NXPE4: variants seen among roughly 807,000 people sequenced by gnomAD.
NXPE4 encodes NXPE family member 4.
In NXPE4, 42 loss-of-function variants were observed where a neutral mutation model predicts 33.3. The observed-to-expected ratio is 1.26, with a 90% confidence interval of 0.98 to 1.63. The LOEUF (loss-of-function observed/expected upper bound fraction) is 1.63. Among genes scored for constraint, NXPE4 ranks in the 40% most tolerant of loss-of-function variants. NXPE4 has a pLI of 0.00. For missense variants in NXPE4, 709 were observed against 647.6 expected (o/e 1.09, Z -1.03); for synonymous variants, 253 against 234.9 (o/e 1.08, Z -0.71).
the NXPE4 span, among the ~76,000 whole-genome samples, chr11:114,618,778 A>C: frequency 1.3e-5 from 2 of 152,050 alleles, no homozygotes; most frequent in African/African-American, 4.8e-5. Context: ...GGTGGATAAA[A>C]AGTGTTGCCT....
At chr11:114,625,888 C>A in the NXPE4 span, among the ~76,000 whole-genome samples, 2 of 152,158 alleles carry the variant, frequency 1.3e-5, no homozygotes, top group African/African-American at 2.4e-5. Context: ...AGGGAGTTCC[C>A]TTTCCTAGTC....
At chr11:114,669,025 G>A in the NXPE4 span, among the ~76,000 whole-genome samples, 2 of 152,020 alleles carry the variant, frequency 1.3e-5, no homozygotes, top group Non-Finnish European at 2.9e-5. Context: ...ATGGTAGCTT[G>A]CTGAAAGTGG....
the NXPE4 span, among the ~76,000 whole-genome samples, chr11:114,636,887 A>G: frequency 2.0e-5 from 3 of 152,144 alleles, no homozygotes; most frequent in African/African-American, 7.2e-5. Flanking sequence ...TTCCAAGTAT[A>G]TGGTCAATTT....
chr11:114,608,241 C>T, the NXPE4 span, among the ~76,000 whole-genome samples: 9 of 151,516 alleles, frequency 5.9e-5, no homozygotes, highest in Admixed American at 4.6e-4. Flanking sequence ...ACAACTGTTG[C>T]CCTGTGTATA....
chr11:114,582,522 T>A lies in NXPE4; in HGVS notation c.596A>T (p.Tyr199Phe). 6.2e-7 allele frequency: 1 copy of A among 1,614,154 alleles called. No homozygotes were observed. Among genetic ancestry groups the A allele is most frequent in the Non-Finnish European group, 8.5e-7 (1 of 1,180,012 alleles). ...CTGGCCAGTGAAGATCACCCTGTCA[T>A]AGCCTTGGTTCCTTGCACTCCAGAG... Reference protein sequence around the residue: ...SALWSARNQGYDRVIFTGQFV... With the variant: ...SALWSARNQGFDRVIFTGQFV... The change falls in exon 3 of 6, where the codon TAT becomes TTT. Residue 199 changes from tyrosine (Y) to phenylalanine (F), a missense_variant. By Grantham distance (22) the Tyr-to-Phe change is conservative. Coordinates refer to ENST00000375478, the MANE Select transcript of NXPE4 (RefSeq NM_001077639.2).
the NXPE4 span, among the ~76,000 whole-genome samples, chr11:114,655,017 C>T: frequency 6.6e-6 from 1 of 152,326 alleles, no homozygotes; most frequent in Non-Finnish European, 1.5e-5. Context: ...ACCATTCTGA[C>T]TGGTGTGAGA....
the NXPE4 span, among the ~76,000 whole-genome samples, chr11:114,603,769 G>A: frequency 2.0e-5 from 3 of 151,390 alleles, no homozygotes; most frequent in Admixed American, 1.3e-4. Flanking sequence ...CGTCTCCTAG[G>A]TAACTACTGT....
the NXPE4 span, among the ~76,000 whole-genome samples, chr11:114,619,656 A>T: frequency 6.6e-6 from 1 of 151,950 alleles, no homozygotes; most frequent in Non-Finnish European, 1.5e-5. Flanking sequence ...TGTGGATAAT[A>T]AGTGTTGCCT....
At position 114,571,321 on chromosome 11, in the gene NXPE4, G is replaced by GGTGAGTACC; in HGVS notation, c.1251_1252insGGTACTCAC (p.Thr417_Arg418insGlyThrHis). 1 of 1,613,958 alleles carries GGTGAGTACC rather than the reference G, an allele frequency of 6.2e-7. No homozygotes were observed. The highest frequency in any genetic ancestry group is 8.5e-7 in the Non-Finnish European group (1 of 1,179,926). On this transcript the variant is annotated inframe_insertion, in exon 6 of 6. Coordinates refer to ENST00000375478, the MANE Select transcript of NXPE4 (RefSeq NM_001077639.2). ...TCTCCTCCAGTTCTGTCAATGGCCC[G>GGTGAGTACC]GGTGAGGTACTCCATCTCTTTGACT...
the NXPE4 span, among the ~76,000 whole-genome samples, chr11:114,654,561 G>A: frequency 6.6e-6 from 1 of 152,128 alleles, no homozygotes; most frequent in East Asian, 1.9e-4. Flanking sequence ...TTATGAGTGA[G>A]AACATTCGGT....
At chr11:114,606,285 T>A in the NXPE4 span, among the ~76,000 whole-genome samples, 1 of 146,942 alleles carries the variant, frequency 6.8e-6, no homozygotes, top group Non-Finnish European at 1.5e-5. Flanking sequence ...ACCTGGTGGA[T>A]AATAAATGTT....
At chr11:114,618,554 A>G in the NXPE4 span, among the ~76,000 whole-genome samples, 1 of 151,924 alleles carries the variant, frequency 6.6e-6, no homozygotes, top group African/African-American at 2.4e-5. Context: ...GATCACTGTT[A>G]CCCAGTGGAT....
the NXPE4 span, among the ~76,000 whole-genome samples, chr11:114,639,926 T>C: frequency 8.8e-6 from 1 of 114,042 alleles, no homozygotes; most frequent in South Asian, 2.5e-4. Flanking sequence ...TATTATATTA[T>C]ATATTATATT....
the NXPE4 span, among the ~76,000 whole-genome samples, chr11:114,627,240 A>G: frequency 5.9e-5 from 9 of 152,084 alleles, no homozygotes; most frequent in South Asian, 2.1e-4. Context: ...AGTTGAAATG[A>G]AGGAAAAAAT....
At chr11:114,618,309 G>T in the NXPE4 span, among the ~76,000 whole-genome samples, 1 of 151,882 alleles carries the variant, frequency 6.6e-6, no homozygotes, top group Non-Finnish European at 1.5e-5. Flanking sequence ...GTTATCTGTT[G>T]GATAATAGGT....
At chr11:114,638,231 T>C in the NXPE4 span, among the ~76,000 whole-genome samples, 3 of 152,104 alleles carry the variant, frequency 2.0e-5, no homozygotes, top group Non-Finnish European at 4.4e-5. Flanking sequence ...TCATCACTGA[T>C]ACACTTTCTT....
In NXPE4 at chr11:114,570,926, CT is replaced by C. The variant is rs773284899; in HGVS notation, c.*11del. The C allele has an allele frequency of 1.5e-5, 23 of 1,541,304 alleles. No individual in the cohort carries two copies. The South Asian group carries it at 2.8e-4, about 19-fold the overall frequency. ...TTTACTTAAGTGAATGAATTTCAGA[CT>C]TTTGTGTTATTTAACAAATATAGTT... On this transcript the variant is annotated 3_prime_UTR_variant, in exon 6 of 6. Transcript: ENST00000375478.
At chr11:114,619,779 A>G in the NXPE4 span, among the ~76,000 whole-genome samples, 1 of 151,972 alleles carries the variant, frequency 6.6e-6, no homozygotes, top group South Asian at 2.1e-4. Flanking sequence ...CCAGGTGGAT[A>G]ATAAGTAATG....
chr11:114,609,094 G>A, the NXPE4 span, among the ~76,000 whole-genome samples: 4 of 150,212 alleles, frequency 2.7e-5, no homozygotes, highest in South Asian at 4.2e-4. Flanking sequence ...GATAATAAGT[G>A]TTGCCTCATG....
Sources: gnomAD v4.1 joint callset for allele counts (sites outside exome capture counted in the v4.1 genomes callset) on GRCh38, gnomAD v4.1.1 for gene constraint, MANE v1.5 for transcripts, NCBI Gene and HGNC (gene_info 2026-07-23, HGNC 2026-07-21) for gene names.